The following CLTCL1 variants were observed in gnomAD, a reference collection of about 807,000 sequenced individuals.
The protein encoded by CLTCL1 is clathrin heavy chain 2.
CLTCL1 carries 159 observed loss-of-function variants against 190.0 expected under a neutral mutation model. That is an observed-to-expected ratio of 0.84 (90% CI 0.74 to 0.95). CLTCL1 has a LOEUF of 0.95. CLTCL1 is among the 40% of genes least tolerant of loss of function. The pLI, the probability that CLTCL1 is intolerant of heterozygous loss-of-function variation, is 0.00. For synonymous variants in CLTCL1, 752 were observed against 769.6 expected, an observed-to-expected ratio of 0.98 and a Z score of 0.38; for missense variants, 1,878 against 2,033.4, an observed-to-expected ratio of 0.92 and a Z score of 1.47.
chr22:19,277,164 T>G lies in CLTCL1; in HGVS notation c.43-1334A>C, dbSNP rs546406006. Among the ~76,000 whole-genome samples the G allele has an allele frequency of 1.2e-4, 19 of 152,208 alleles. No individual in the cohort carries two copies. In the South Asian group the frequency reaches 3.9e-3, roughly 32 times the overall value. ...AGACTGTTCATACTGAGAGTATAAT[T>G]CAGGACGGTGCCTTGTTTGTCTTTT... is the stretch of plus-strand genomic sequence containing the variant. On this transcript the variant is annotated intron_variant, in intron 1 of 32. Transcript: ENST00000427926.
At chr22:19,183,126 T>C (rs2084196198) in intron 30 of CLTCL1, 2 of 461,078 alleles carry the variant, frequency 4.3e-6, no homozygotes, top group East Asian at 4.1e-5. Context: ...AGTGTGCACA[T>C]TGGGACAGCT....
intron 28 of CLTCL1, 44 bp from the exon 29 acceptor site, chr22:19,187,772 G>A: frequency 6.3e-7 from 1 of 1,593,606 alleles, no homozygotes. Flanking sequence ...ACTGACATGG[G>A]CTGCCTACAC....
At chr22:19,226,578 G>A (rs1008986269) in intron 11 of CLTCL1, among the ~76,000 whole-genome samples, 195 bp from the exon 12 acceptor site, 39 of 152,130 alleles carry the variant, frequency 2.6e-4, no homozygotes, top group African/African-American at 9.2e-4. Flanking sequence ...GCCATCTTAG[G>A]CCCTTTGCAC....
intron 14 of CLTCL1, 44 bp downstream of exon 14, chr22:19,223,847 A>G: frequency 1.9e-6 from 3 of 1,609,364 alleles, no homozygotes; most frequent in Non-Finnish European, 1.7e-6. Flanking sequence ...CCCACCTGCC[A>G]TCAGCAAGGG....
At chr22:19,266,020 C>T (rs781985443) in intron 2 of CLTCL1, among the ~76,000 whole-genome samples, 17 of 151,860 alleles carry the variant, frequency 1.1e-4, no homozygotes, top group African/African-American at 3.6e-4. Flanking sequence ...ACCACAGACA[C>T]GTACTACCAC....
chr22:19,241,338 G>A (rs118025749), intron 4 of CLTCL1, among the ~76,000 whole-genome samples: 2,007 of 152,340 alleles, frequency 0.013, 23 homozygotes, highest in Non-Finnish European at 0.019. Flanking sequence ...TGCTGCATCT[G>A]TAAAGGAGAG....
At chr22:19,217,387 C>T (rs532933482) in intron 18 of CLTCL1, among the ~76,000 whole-genome samples, 21 of 152,122 alleles carry the variant, frequency 1.4e-4, no homozygotes, top group East Asian at 1.4e-3. Context: ...GAGGCCAAGA[C>T]GGGCAGATCA....
At chr22:19,250,561 T>TG (rs1555969604) in intron 3 of CLTCL1, among the ~76,000 whole-genome samples, 18 of 150,860 alleles carry the variant, frequency 1.2e-4, no homozygotes, top group South Asian at 2.1e-4. Flanking sequence ...TTAACTTTTT[T>TG]AATTTTTTTT....
intron 10 of CLTCL1, 31 bp from the exon 11 acceptor site, chr22:19,230,006 A>T: frequency 6.4e-7 from 1 of 1,569,018 alleles, no homozygotes; most frequent in Non-Finnish European, 8.6e-7. Flanking sequence ...ATTTTCACTC[A>T]GTATGTTTTC....
At chr22:19,286,987 T>C (rs539138064) in intron 1 of CLTCL1, among the ~76,000 whole-genome samples, 2 of 152,318 alleles carry the variant, frequency 1.3e-5, no homozygotes, top group African/African-American at 4.8e-5. Flanking sequence ...GTTTTCTGTG[T>C]ATTGAGCTAT....
At chr22:19,203,993 T>C (rs12628795) in intron 22 of CLTCL1, among the ~76,000 whole-genome samples, 13,283 of 152,264 alleles carry the variant, frequency 0.087, 777 homozygotes, top group East Asian at 0.21. Context: ...AAGCTGACTA[T>C]GCTTTGCACT....
chr22:19,245,141 A>T (rs1330157323), intron 3 of CLTCL1, among the ~76,000 whole-genome samples: 1 of 151,066 alleles, frequency 6.6e-6, no homozygotes, highest in Non-Finnish European at 1.5e-5. Context: ...GCAAATGCTT[A>T]GACAGGGTTG....
At chr22:19,191,083 G>A (rs891411429) in intron 27 of CLTCL1, among the ~76,000 whole-genome samples, 4 of 152,106 alleles carry the variant, frequency 2.6e-5, no homozygotes, top group Admixed American at 6.5e-5. Context: ...GCCACAAACG[G>A]CTAATCTTTA....
intron 3 of CLTCL1, among the ~76,000 whole-genome samples, chr22:19,246,299 A>G (rs1418454231): frequency 2.0e-5 from 3 of 151,936 alleles, no homozygotes; most frequent in Non-Finnish European, 2.9e-5. Context: ...TGACCTCGTG[A>G]TCCACCTGCC....
chr22:19,245,187 T>TG (rs1555967431), intron 3 of CLTCL1, among the ~76,000 whole-genome samples: 1 of 107,442 alleles, frequency 9.3e-6, no homozygotes, highest in African/African-American at 3.4e-5. Context: ...CTCCCCCTCC[T>TG]TTTTTTTTTT....
intron 11 of CLTCL1, 141 bp downstream of exon 11, chr22:19,229,697 A>C: frequency 1.4e-6 from 1 of 714,642 alleles, no homozygotes; most frequent in Non-Finnish European, 2.0e-6. Flanking sequence ...AAGGAAAGTC[A>C]TGGAGAATGT....
intron 5 of CLTCL1, among the ~76,000 whole-genome samples, chr22:19,238,078 CTTAT>C (rs1377210411): frequency 9.9e-5 from 15 of 151,410 alleles, no homozygotes; most frequent in African/African-American, 1.5e-4. Context: ...TATTTTTATT[CTTAT>C]TTATTTATTT....
At chr22:19,258,262 T>G (rs1383094554) in intron 2 of CLTCL1, 1 of 351,460 alleles carries the variant, frequency 2.8e-6, no homozygotes, top group Non-Finnish European at 5.5e-6. Context: ...GGCAAGATCA[T>G]GGCAGATATC....
chr22:19,214,895 G>A (rs1423866982), intron 19 of CLTCL1, among the ~76,000 whole-genome samples: 2 of 152,110 alleles, frequency 1.3e-5, no homozygotes, highest in Admixed American at 1.3e-4. Context: ...TGGCTAGGCT[G>A]GTCTCAAACT....
Sources: gnomAD v4.1 joint callset for allele counts (sites outside exome capture counted in the v4.1 genomes callset) on GRCh38, gnomAD v4.1.1 for gene constraint, MANE v1.5 for transcripts, NCBI Gene and HGNC (gene_info 2026-07-23, HGNC 2026-07-21) for gene names.